The following HMCN1 variants were observed in gnomAD, a reference collection of about 807,000 sequenced individuals.
HMCN1 encodes hemicentin-1.
In HMCN1, 321 loss-of-function variants were observed where a neutral mutation model predicts 625.9. The observed-to-expected ratio is 0.51, with a 90% confidence interval of 0.47 to 0.56. HMCN1 has a LOEUF of 0.56. Among genes scored for constraint, HMCN1 ranks in the 20% least tolerant of loss-of-function variants. HMCN1 has a pLI of 0.00. For synonymous variants in HMCN1, 2,425 were observed against 2,417.6 expected, an observed-to-expected ratio of 1.00 and a Z score of -0.09; for missense variants, 6,588 against 6,887.3, an observed-to-expected ratio of 0.96 and a Z score of 1.54.
At position 185,989,542 on chromosome 1, in the gene HMCN1, A is replaced by G. The variant is rs762128409; in HGVS notation, c.3103A>G (p.Ser1035Gly). ...SAKFSAGADG[S>G]LYVVSPGGEE... ...TAAGTTTTCAGCAGGAGCTGATGGTAGTCTGTATGTGGTATCACCTGGAGG... is the reference window on the plus strand; with the variant it reads ...TAAGTTTTCAGCAGGAGCTGATGGTGGTCTGTATGTGGTATCACCTGGAGG... The change falls in exon 21 of 107, where the codon AGT (serine) becomes GGT (glycine). Residue 1035 changes from serine (S) to glycine (G), a missense_variant. Physicochemically the swap from Ser to Gly is moderately conservative, Grantham distance 56. Around this residue, in one of 3 missense-constraint regions of HMCN1, gnomAD observed 4,628 missense variants for 4,853.1 expected, o/e 0.95. Transcript: ENST00000271588. 4.3e-6 allele frequency: 7 copies of G among 1,614,086 alleles called. No homozygotes were observed. The East Asian group carries it at 1.1e-4, about 26-fold the overall frequency.
chr1:186,087,350 A>T lies in HMCN1; in HGVS notation c.9160+20A>T. 6.2e-7 allele frequency: 1 copy of T among 1,604,762 alleles called. No individual in the cohort carries two copies. The highest frequency in any genetic ancestry group is 8.5e-7 in the Non-Finnish European group (1 of 1,171,878). On this transcript the variant is annotated intron_variant, in intron 59 of 106. Coordinates refer to ENST00000271588, the MANE Select transcript of HMCN1 (RefSeq NM_031935.3). ...TTTATGGTTCGTTTTTACTCTCTTC[A>T]TAAAATTCTTTTATTTTAAAACTGG...
chr1:185,820,225 C>A (rs996005354), intron 1 of HMCN1, among the ~76,000 whole-genome samples: 4 of 152,068 alleles, frequency 2.6e-5, no homozygotes, highest in African/African-American at 9.7e-5. Context: ...TTGTCTTTAT[C>A]CTCCAAGAAA....
intron 4 of HMCN1, among the ~76,000 whole-genome samples, chr1:185,887,291 GAAATTTATTTATTTATTT>G (rs1289021973): frequency 1.6e-4 from 24 of 151,860 alleles, no homozygotes; most frequent in African/African-American, 5.1e-4. Context: ...GCTCTTAAAT[GAAATTTATTTATTTATTT>G]ATTTTTTATT....
chr1:185,946,677 C>A (rs999620293), intron 11 of HMCN1, among the ~76,000 whole-genome samples: 1 of 152,166 alleles, frequency 6.6e-6, no homozygotes, highest in African/African-American at 2.4e-5. Flanking sequence ...TTCCTATCAA[C>A]CATATTTTTT....
At chr1:185,999,962 C>T (rs1653065485) in intron 25 of HMCN1, 83 bp from the exon 26 acceptor site, 1 of 972,824 alleles carries the variant, frequency 1.0e-6, no homozygotes. Context: ...ATAACAAAAA[C>T]TTTATTTCTC....
chr1:186,037,589 A>C (rs1366335445), intron 36 of HMCN1, among the ~76,000 whole-genome samples: 4 of 152,196 alleles, frequency 2.6e-5, no homozygotes, highest in African/African-American at 4.8e-5. Context: ...ATTCAAATTT[A>C]GTAGACTAAT....
intron 4 of HMCN1, among the ~76,000 whole-genome samples, chr1:185,896,628 C>T (rs574255097): frequency 2.0e-4 from 31 of 152,160 alleles, no homozygotes; most frequent in African/African-American, 7.5e-4. Flanking sequence ...AGCAGAGAAA[C>T]AGAAAGATCC....
At chr1:185,873,377 A>C (rs1375347549) in intron 4 of HMCN1, among the ~76,000 whole-genome samples, 1 of 152,122 alleles carries the variant, frequency 6.6e-6, no homozygotes, top group African/African-American at 2.4e-5. Flanking sequence ...GTTGTGGTGG[A>C]AACTAAAGAT....
intron 97 of HMCN1, among the ~76,000 whole-genome samples, chr1:186,162,302 T>A (rs1480025562): frequency 6.6e-6 from 1 of 152,206 alleles, no homozygotes; most frequent in African/African-American, 2.4e-5. Context: ...TATTGGTTAT[T>A]CTAGTTATAC....
At chr1:185,963,724 T>C (rs1650195286) in intron 12 of HMCN1, 44 bp from the exon 13 acceptor site, 2 of 1,366,744 alleles carry the variant, frequency 1.5e-6, no homozygotes, top group Non-Finnish European at 2.1e-6. Flanking sequence ...ATATTACTAT[T>C]GTGGCATTTT....
chr1:186,087,234 A>T lies in HMCN1; in HGVS notation c.9064A>T (p.Ile3022Phe), dbSNP rs1023645719. ...ACCTACAGGTGGTCGAACTCTACAG[A>T]TTATTCGGGCCAAGGTATCAGATGG... is the stretch of plus-strand genomic sequence containing the variant. ...LIVPGGRTLQ[I>F]IRAKVSDGGE... is the part of the protein sequence containing the mutation. The change falls in exon 59 of 107, where the codon ATT becomes TTT. Residue 3022 changes from isoleucine (I) to phenylalanine (F), a missense_variant. Around this residue, in one of 3 missense-constraint regions of HMCN1, gnomAD observed 4,628 missense variants for 4,853.1 expected, o/e 0.95. Transcript: ENST00000271588. 3.1e-6 allele frequency: 5 copies of T among 1,612,174 alleles called. No individual in the cohort carries two copies. Among genetic ancestry groups the T allele is most frequent in the Non-Finnish European group, 4.2e-6 (5 of 1,178,618 alleles).
rs576210361 is a variant in HMCN1, at chr1:185,937,128, A to T, written c.1828+3304A>T. ...GCTTTGAAAGCAGCTTATTCTAGAG[A>T]CTAGGGGAAAAAATATTTGGTCTGC... On this transcript the variant is annotated intron_variant, in intron 11 of 106. Transcript: ENST00000271588. Among the ~76,000 whole-genome samples, 27 of 152,370 alleles carry T rather than the reference A, an allele frequency of 1.8e-4. 1 individual carries two copies. In the South Asian group the frequency reaches 5.6e-3, roughly 32 times the overall value.
chr1:186,019,910 A>G (rs1365013976), intron 35 of HMCN1, among the ~76,000 whole-genome samples: 1 of 152,032 alleles, frequency 6.6e-6, no homozygotes, highest in African/African-American at 2.4e-5. Flanking sequence ...AATGATACTG[A>G]TTTGAAGATA....
In HMCN1 at chr1:186,039,712, C is replaced by A. The variant is rs1274051335; in HGVS notation, c.6029-16C>A. ...CTGTGATATTAACGTGTCTTACTTT[C>A]ATTTGTTTTTTTCAGTGGCCCCATC... On this transcript the variant is annotated splice_polypyrimidine_tract_variant and intron_variant, in intron 38 of 106. Coordinates refer to ENST00000271588, the MANE Select transcript of HMCN1 (RefSeq NM_031935.3). The A allele has an allele frequency of 1.2e-6, 2 of 1,612,550 alleles. No individual in the cohort carries two copies. Among genetic ancestry groups the A allele is most frequent in the East Asian group, 2.2e-5 (1 of 44,830 alleles).
At chr1:186,068,076 T>C in intron 50 of HMCN1, 69 bp downstream of exon 50, 2 of 1,379,908 alleles carry the variant, frequency 1.4e-6, no homozygotes, top group South Asian at 2.3e-5. Context: ...GCAGAATCAT[T>C]GGTTACTTTT....
intron 1 of HMCN1, among the ~76,000 whole-genome samples, chr1:185,828,964 A>AG (rs1181400747): frequency 6.6e-6 from 1 of 152,164 alleles, no homozygotes; most frequent in Non-Finnish European, 1.5e-5. Context: ...GAAGTAATAA[A>AG]GCAGAAATAG....
intron 11 of HMCN1, among the ~76,000 whole-genome samples, chr1:185,945,275 A>G (rs748452318): frequency 3.3e-5 from 5 of 152,256 alleles, no homozygotes; most frequent in Non-Finnish European, 5.9e-5. Flanking sequence ...GCACTACCTC[A>G]TTCATACTAT....
chr1:186,042,446 A>G (rs1467178480), intron 40 of HMCN1, among the ~76,000 whole-genome samples: 3 of 152,156 alleles, frequency 2.0e-5, no homozygotes, highest in Non-Finnish European at 4.4e-5. Context: ...CAGAAATCTG[A>G]GATGGACTCC....
intron 93 of HMCN1, among the ~76,000 whole-genome samples, chr1:186,148,649 C>G (rs1029900886): frequency 6.6e-6 from 1 of 152,128 alleles, no homozygotes; most frequent in Non-Finnish European, 1.5e-5. Context: ...TTACAAGTGC[C>G]CACCACCATG....
Sources: allele counts gnomAD v4.1 joint callset (sites outside exome capture counted in the v4.1 genomes callset), GRCh38; gene constraint gnomAD v4.1.1; regional missense constraint gnomAD v4.1.1; transcripts MANE v1.5; gene names NCBI Gene and HGNC (gene_info 2026-07-23, HGNC 2026-07-21).